Variants in SLC24A3 observed in about 807,000 individuals in gnomAD.
SLC24A3 encodes the protein solute carrier family 24 member 3.
In SLC24A3, 28 loss-of-function variants were observed where a neutral mutation model predicts 75.8. The observed-to-expected ratio is 0.37, with a 90% CI of 0.27 to 0.51. The LOEUF is 0.51. SLC24A3 is among the 20% of genes least tolerant of loss of function. SLC24A3 has a pLI of 0.94. For synonymous variants in SLC24A3, 372 were observed against 334.1 expected (o/e 1.11, Z -1.24); for missense variants, 663 against 847.8 (o/e 0.78, Z 2.71).
Position 19,286,285 on chromosome 20 carries a change from C to A in SLC24A3, c.271+5198C>A, listed in dbSNP as rs143116369. On this transcript the variant is annotated intron_variant, in intron 2 of 16. Coordinates refer to ENST00000328041, the MANE Select transcript of SLC24A3 (RefSeq NM_020689.4). ...TGTGAGCTGCAGTTGACGAGGGAAA[C>A]CGGGAAGTCTATATGAGAGAAGCAA... Among the ~76,000 whole-genome samples the A allele has an allele frequency of 2.0e-3, 301 of 152,126 alleles. 1 individual carries two copies. The highest frequency in any genetic ancestry group is 7.1e-3 in the African/African-American group (294 of 41,508).
chr20:19,532,495 T>G (rs1399550650), intron 3 of SLC24A3, among the ~76,000 whole-genome samples: 3 of 152,192 alleles, frequency 2.0e-5, no homozygotes, highest in African/African-American at 7.2e-5. Flanking sequence ...GGAGGAGAAT[T>G]CCTGGGGTAG....
intron 1 of SLC24A3, among the ~76,000 whole-genome samples, chr20:19,280,340 A>G (rs1214798475): frequency 1.3e-5 from 2 of 152,110 alleles, no homozygotes; most frequent in Non-Finnish European, 1.5e-5. Flanking sequence ...TGGGGATGGC[A>G]AATTATGTCT....
chr20:19,661,521 A>G (rs2032326235), intron 7 of SLC24A3, among the ~76,000 whole-genome samples: 1 of 152,200 alleles, frequency 6.6e-6, no homozygotes, highest in African/African-American at 2.4e-5. Context: ...ATTGAGTGGG[A>G]AAAGTCTACG....
chr20:19,681,858 A>G lies in SLC24A3; in HGVS notation c.768A>G (p.Lys256=). ...LMYLIYIVIM[K]YNACIHQCFE... is the part of the protein sequence containing the mutation. ...TCTGCCCACTTGTCGCTTTGCTCAG[A>G]TATAACGCTTGCATACATCAGTGCT... Residue 256 remains lysine, a splice_region_variant and synonymous_variant, in exon 10 of 17, where the codon AAA becomes AAG. Transcript: ENST00000328041. 6.2e-7 allele frequency: 1 copy of G among 1,614,106 alleles called. No individual in the cohort carries two copies. Among genetic ancestry groups the G allele is most frequent in the Non-Finnish European group, 8.5e-7 (1 of 1,179,994 alleles).
intron 2 of SLC24A3, among the ~76,000 whole-genome samples, chr20:19,427,732 TG>T (rs1987036005): frequency 6.6e-6 from 1 of 152,044 alleles, no homozygotes; most frequent in South Asian, 2.1e-4. Flanking sequence ...AGATCTCTCC[TG>T]GAAAAAAGTA....
chr20:19,217,332 A>G (rs548007286), intron 1 of SLC24A3, among the ~76,000 whole-genome samples: 1 of 152,316 alleles, frequency 6.6e-6, no homozygotes, highest in South Asian at 2.1e-4. Flanking sequence ...TGCCTTTTTA[A>G]AAACCCAAGG....
Position 19,684,323 on chromosome 20 carries a change from T to C in SLC24A3, c.1049T>C (p.Met350Thr), listed in dbSNP as rs1034577808. The C allele has an allele frequency of 1.9e-6, 3 of 1,613,600 alleles. No individual in the cohort carries two copies. In the South Asian group the frequency reaches 3.3e-5, roughly 18 times the overall value. Residue 350 changes from methionine (M) to threonine (T), a missense_variant, in exon 11 of 17, where the codon ATG becomes ACG. By Grantham distance (81) the Met-to-Thr change is moderately conservative (BLOSUM62 -1). Transcript: ENST00000328041. ...ACCCGGCTCTCCATGGCCAGTCGCA[T>C]GTTGATCAATGAGGTACCTGGGAAA... Reference protein sequence around the residue: ...PKTRLSMASRMLINERQRLIN... With the variant: ...PKTRLSMASRTLINERQRLIN...
At chr20:19,666,859 C>T (rs546928228) in intron 8 of SLC24A3, among the ~76,000 whole-genome samples, 4 of 152,254 alleles carry the variant, frequency 2.6e-5, no homozygotes, top group African/African-American at 9.6e-5. Flanking sequence ...TCCTCGTTTT[C>T]GAGATGGGTT....
chr20:19,473,972 T>C (rs1451368215), intron 2 of SLC24A3, among the ~76,000 whole-genome samples: 2 of 152,242 alleles, frequency 1.3e-5, no homozygotes, highest in Non-Finnish European at 2.9e-5. Context: ...TTTTTGCTAA[T>C]AGAGAAAATG....
At chr20:19,618,486 CT>C (rs1254411619) in intron 6 of SLC24A3, among the ~76,000 whole-genome samples, 3 of 152,166 alleles carry the variant, frequency 2.0e-5, no homozygotes, top group Non-Finnish European at 2.9e-5. Flanking sequence ...GGACCCACCC[CT>C]ATGACCTCAT....
intron 6 of SLC24A3, among the ~76,000 whole-genome samples, chr20:19,634,351 C>T (rs2031973873): frequency 6.6e-6 from 1 of 152,092 alleles, no homozygotes; most frequent in South Asian, 2.1e-4. Flanking sequence ...GCTAGTTGCC[C>T]AGCGGCCACC....
At chr20:19,484,028 G>A (rs1988095129) in intron 2 of SLC24A3, among the ~76,000 whole-genome samples, 1 of 152,182 alleles carries the variant, frequency 6.6e-6, no homozygotes, top group Non-Finnish European at 1.5e-5. Context: ...AGAGATATTT[G>A]CACACCTATG....
intron 9 of SLC24A3, among the ~76,000 whole-genome samples, chr20:19,673,859 A>G (rs113508121): frequency 6.6e-6 from 1 of 152,192 alleles, no homozygotes; most frequent in Non-Finnish European, 1.5e-5. Flanking sequence ...ATATTTGATG[A>G]TAGACTCAAA....
intron 6 of SLC24A3, among the ~76,000 whole-genome samples, chr20:19,651,803 G>A (rs2032208246): frequency 6.7e-6 from 1 of 149,334 alleles, no homozygotes; most frequent in Admixed American, 6.8e-5. Flanking sequence ...AGAGCTTGCA[G>A]TGAGCCAAGA....
chr20:19,392,172 T>C (rs1402167035), intron 2 of SLC24A3, among the ~76,000 whole-genome samples: 1 of 150,334 alleles, frequency 6.7e-6, no homozygotes, highest in African/African-American at 2.5e-5. Context: ...ATTTATATCT[T>C]AACAGTTTCC....
At chr20:19,375,231 C>T (rs188342922) in intron 2 of SLC24A3, among the ~76,000 whole-genome samples, 54 of 152,270 alleles carry the variant, frequency 3.5e-4, no homozygotes, top group Non-Finnish European at 7.5e-4. Flanking sequence ...TCTCTCTGGG[C>T]GTAAAAGTTC....
In SLC24A3 at chr20:19,693,485, T is replaced by A. The variant is rs532520190; in HGVS notation, c.1491+60T>A. ...TCTCTTTAGAGAATAAAGAAGGGAA[T>A]AAGAGTCAGGGTTTCAGCCGATAAC... On this transcript the variant is annotated intron_variant, in intron 13 of 16. Coordinates refer to ENST00000328041, the MANE Select transcript of SLC24A3 (RefSeq NM_020689.4). The A allele has an allele frequency of 5.2e-5, 82 of 1,582,628 alleles. No homozygotes were observed. In the African/African-American group the frequency reaches 9.3e-4, roughly 18 times the overall value.
At chr20:19,619,668 C>A (rs947972617) in intron 6 of SLC24A3, among the ~76,000 whole-genome samples, 1 of 152,162 alleles carries the variant, frequency 6.6e-6, no homozygotes, top group Non-Finnish European at 1.5e-5. Flanking sequence ...CAAGGAAGTG[C>A]CTCCAGCTCC....
chr20:19,508,036 T>C (rs2122549668), intron 2 of SLC24A3, among the ~76,000 whole-genome samples: 1 of 151,972 alleles, frequency 6.6e-6, no homozygotes, highest in South Asian at 2.1e-4. Flanking sequence ...TACAGTGTGG[T>C]TGGAAAATAA....
Sources: allele counts gnomAD v4.1 joint callset (sites outside exome capture counted in the v4.1 genomes callset), GRCh38; gene constraint gnomAD v4.1.1; transcripts MANE v1.5; gene names NCBI Gene and HGNC (gene_info 2026-07-23, HGNC 2026-07-21).